Variants in PAX9 observed in about 807,000 individuals in gnomAD.
PAX9 encodes the protein paired box 9, also known as paired box protein Pax-9.
A neutral mutation model predicts 29.1 loss-of-function variants in PAX9; 6 were observed. That is an observed-to-expected ratio of 0.21 (90% CI 0.11 to 0.41). The LOEUF is 0.41. Ranked by LOEUF, PAX9 falls within the 10% of genes least tolerant of loss-of-function variation. PAX9 has a pLI of 1.00. For synonymous variants in PAX9, 217 were observed against 211.7 expected (o/e 1.03, Z -0.22); for missense variants, 443 against 479.1 (o/e 0.92, Z 0.70).
rs1353191222 is a variant in PAX9, at chr14:36,663,269, T to C, written c.377T>C (p.Ile126Thr). ...NVPSVSSISR[I>T]LRNKIGNLAQ... ...CCCTCCGTGAGCTCCATCAGCCGCATTCTGCGCAACAAGATCGGCAACTTG... is the reference window on the plus strand; with the variant it reads ...CCCTCCGTGAGCTCCATCAGCCGCACTCTGCGCAACAAGATCGGCAACTTG... Residue 126 changes from isoleucine (I) to threonine (T), a missense_variant, in exon 2 of 4, where the codon ATT becomes ACT. Physicochemically the swap from Ile to Thr is moderately conservative, Grantham distance 89 (BLOSUM62 -1). Coordinates refer to ENST00000361487, the MANE Select transcript of PAX9 (RefSeq NM_001372076.1). 5.0e-6 allele frequency: 8 copies of C among 1,614,182 alleles called. No individual in the cohort carries two copies. Among genetic ancestry groups the C allele is most frequent in the Non-Finnish European group, 6.8e-6 (8 of 1,180,036 alleles).
Position 36,678,595 on chromosome 14 carries a change from C to A in PAX9, c.*2143C>A. The A allele has an allele frequency of 6.6e-7, 1 of 1,508,808 alleles. No individual in the cohort carries two copies. The highest frequency in any genetic ancestry group is 8.8e-7 in the Non-Finnish European group (1 of 1,133,696). The allele number at this position is 1,508,808 out of a possible 1,614,324, so 93.5% of individuals were successfully genotyped here. A position where few individuals can be genotyped will look rare whatever the true frequency, so the allele number is the denominator to read the frequency against. ...AGGGACTCTCCTGTCATCTGAAAAA[C>A]TGATGTAAGGTACAGAACTATTCTT... is the stretch of plus-strand genomic sequence containing the variant. On this transcript the variant is annotated 3_prime_UTR_variant, in exon 4 of 4. Coordinates refer to ENST00000361487, the MANE Select transcript of PAX9 (RefSeq NM_001372076.1).
At chr14:36,671,810 G>C (rs1321293609) in intron 3 of PAX9, among the ~76,000 whole-genome samples, 1 of 152,114 alleles carries the variant, frequency 6.6e-6, no homozygotes, top group African/African-American at 2.4e-5. Flanking sequence ...TTAACTAGAA[G>C]AACTACATTG....
At chr14:36,676,071 A>G in intron 3 of PAX9, 127 bp from the exon 4 acceptor site, 1 of 907,864 alleles carries the variant, frequency 1.1e-6, no homozygotes, top group Non-Finnish European at 1.7e-6. Context: ...ATTTTTTTAA[A>G]AAGTTGGAGA....
In PAX9 at chr14:36,663,375, G is replaced by C. The variant is rs761015279; in HGVS notation, c.483G>C (p.Ser161=). Residue 161 remains serine (S), a synonymous_variant, in exon 2 of 4, where the codon TCG becomes TCC. Coordinates refer to ENST00000361487, the MANE Select transcript of PAX9 (RefSeq NM_001372076.1). ...QPALPYNHIY[S]YPSPITAAAA... The stretch of plus-strand genomic sequence containing the variant: ...CGCTGCCCTACAACCACATCTACTC[G>C]TACCCCAGCCCTATCACGGCGGCGG... The C allele has an allele frequency of 6.2e-7, 1 of 1,613,870 alleles. No individual in the cohort carries two copies. Among genetic ancestry groups the C allele is most frequent in the Non-Finnish European group, 8.5e-7 (1 of 1,180,030 alleles).
chr14:36,662,686 C>T (rs1182840272), intron 1 of PAX9: 24 of 619,996 alleles, frequency 3.9e-5, no homozygotes, highest in South Asian at 3.6e-4. Flanking sequence ...GCCTCCGGCA[C>T]GGCAGGAATG....
intron 3 of PAX9, among the ~76,000 whole-genome samples, chr14:36,668,716 T>C (rs1303577361): frequency 6.6e-6 from 1 of 152,208 alleles, no homozygotes; most frequent in Non-Finnish European, 1.5e-5. Context: ...CCTTGAATTA[T>C]AGATCTAACA....
rs1882069031 is a variant in PAX9, at chr14:36,679,243, A to C, written c.*2791A>C. 7.1e-6 allele frequency: 7 copies of C among 984,196 alleles called. No individual in the cohort carries two copies. The Admixed American group carries it at 3.7e-4, about 52-fold the overall frequency. The allele number at this position is 984,196 out of a possible 1,614,324, so 61.0% of individuals were successfully genotyped here. Reference sequence around the variant, plus strand: ...TTATTGAATATTGGACTGAAATATAAATTTTAAAAAACACGTTGGAAAGGA... The same window carrying C: ...TTATTGAATATTGGACTGAAATATACATTTTAAAAAACACGTTGGAAAGGA... On this transcript the variant is annotated 3_prime_UTR_variant, in exon 4 of 4. Transcript: ENST00000361487.
chr14:36,666,310 G>T, intron 2 of PAX9, 152 bp from the exon 3 acceptor site: 1 of 928,948 alleles, frequency 1.1e-6, no homozygotes, highest in Admixed American at 2.8e-5. Flanking sequence ...ACAGGAGGTC[G>T]CGGCTGGGCC....
In PAX9 at chr14:36,678,234, A is replaced by G; in HGVS notation, c.*1782A>G. ...GATGGCTAGATTAGTTAGGTTTTCA[A>G]ATCACTAGGATGTAAACAGTAAGCA... On this transcript the variant is annotated 3_prime_UTR_variant, in exon 4 of 4. Coordinates refer to ENST00000361487, the MANE Select transcript of PAX9 (RefSeq NM_001372076.1). The G allele has an allele frequency of 3.8e-6, 2 of 525,876 alleles. No individual in the cohort carries two copies. Among genetic ancestry groups the G allele is most frequent in the Non-Finnish European group, 6.8e-6 (2 of 294,516 alleles). The allele number at this position is 525,876 out of a possible 1,614,324, so 32.6% of individuals were successfully genotyped here.
intron 3 of PAX9, chr14:36,672,040 C>T (rs933255587): frequency 2.6e-5 from 4 of 152,188 alleles, no homozygotes; most frequent in Non-Finnish European, 5.9e-5. Context: ...AAAGAATTCT[C>T]ATGCCTTTCA....
chr14:36,660,910 T>C (rs984170038), upstream of PAX9, among the ~76,000 whole-genome samples: 2 of 152,262 alleles, frequency 1.3e-5, no homozygotes, highest in African/African-American at 2.4e-5. Flanking sequence ...TGGAGCTTAA[T>C]GGAAGACGAG....
intron 2 of PAX9, among the ~76,000 whole-genome samples, chr14:36,665,719 T>C (rs941779619): frequency 2.0e-5 from 3 of 152,338 alleles, no homozygotes; most frequent in East Asian, 3.9e-4. Flanking sequence ...ATACATTTTT[T>C]AAACTCTTTC....
In PAX9 at chr14:36,678,492, G is replaced by C; in HGVS notation, c.*2040G>C. The C allele has an allele frequency of 6.5e-7, 1 of 1,536,968 alleles. No individual in the cohort carries two copies. The highest frequency in any genetic ancestry group is 1.4e-5 in the African/African-American group (1 of 73,158). ...ACATCTGGAGTTCCCAGTCTGGTGA[G>C]AAAATAGACTATAAACTGAATGGAA... is the stretch of plus-strand genomic sequence containing the variant. On this transcript the variant is annotated 3_prime_UTR_variant, in exon 4 of 4. Coordinates refer to ENST00000361487, the MANE Select transcript of PAX9 (RefSeq NM_001372076.1).
rs1344902587 is a variant in PAX9, at chr14:36,662,043, G to C, written c.-47G>C. ...CACTGAGGCGGTGCGGAAAGTTTCT[G>C]TCTGGGAGTGCGGAACTGGGGCCGG... On this transcript the variant is annotated 5_prime_UTR_variant, in exon 1 of 4. Coordinates refer to ENST00000361487, the MANE Select transcript of PAX9 (RefSeq NM_001372076.1). 1 of 1,558,518 alleles carries C rather than the reference G, an allele frequency of 6.4e-7. No homozygotes were observed. Among genetic ancestry groups the C allele is most frequent in the Non-Finnish European group, 8.7e-7 (1 of 1,152,046 alleles).
Position 36,672,852 on chromosome 14 carries a change from C to CTTTTTTTTTTTTTT in PAX9, c.772-3329_772-3316dup, listed in dbSNP as rs3061562. ...TTCTTTTTTCTTTCTTTCTTTCTTC[C>CTTTTTTTTTTTTTT]TTTTTTTTTTTTTTTTTTTTTTTTT... On this transcript the variant is annotated intron_variant, in intron 3 of 3. Transcript: ENST00000361487. 3.9e-3 allele frequency among the ~76,000 whole-genome samples: 75 copies of CTTTTTTTTTTTTTT among 19,160 alleles called. 31 individuals are homozygous for CTTTTTTTTTTTTTT. Among genetic ancestry groups the CTTTTTTTTTTTTTT allele is most frequent in the Middle Eastern group, 0.038 (1 of 26 alleles). The allele number at this position is 19,160 out of a possible 152,430, so 12.6% of individuals were successfully genotyped here.
upstream of PAX9, among the ~76,000 whole-genome samples, chr14:36,659,512 T>C (rs1328920685): frequency 6.6e-6 from 1 of 152,150 alleles, no homozygotes; most frequent in Non-Finnish European, 1.5e-5. Flanking sequence ...CGCGGATACT[T>C]AGTGGCCCAA....
chr14:36,661,114 G>A (rs1352113693), upstream of PAX9, among the ~76,000 whole-genome samples: 2 of 152,262 alleles, frequency 1.3e-5, no homozygotes, highest in Non-Finnish European at 2.9e-5. Context: ...CCCACGCACT[G>A]GCAATTGGTC....
At chr14:36,662,138 GGGA>G in intron 1 of PAX9, 45 bp downstream of exon 1, 1 of 1,482,508 alleles carries the variant, frequency 6.7e-7, no homozygotes, top group Non-Finnish European at 9.0e-7. Flanking sequence ...AAGGGAGGGA[GGGA>G]GCGAGCGGGC....
intron 3 of PAX9, 125 bp from the exon 4 acceptor site, chr14:36,676,073 A>G: frequency 1.1e-6 from 1 of 919,980 alleles, no homozygotes; most frequent in South Asian, 1.7e-5. Context: ...TTTTTTAAAA[A>G]GTTGGAGAGT....
Sources: gnomAD v4.1 joint callset for allele counts (sites outside exome capture counted in the v4.1 genomes callset) on GRCh38, gnomAD v4.1.1 for gene constraint, MANE v1.5 for transcripts, NCBI Gene and HGNC (gene_info 2026-07-23, HGNC 2026-07-21) for gene names.